SCLT1: variants seen among roughly 807,000 people sequenced by gnomAD.
SCLT1 encodes the protein sodium channel and clathrin linker 1.
SCLT1 carries 78 observed loss-of-function variants against 112.8 expected under a neutral mutation model. That is an observed-to-expected ratio of 0.69 (90% CI 0.58 to 0.83). The LOEUF is 0.83. SCLT1 is among the 40% of genes least tolerant of loss of function. SCLT1 has a pLI of 0.00. For missense variants in SCLT1, 747 were observed against 770.4 expected, an observed-to-expected ratio of 0.97 and a Z score of 0.36; for synonymous variants, 257 against 254.7, an observed-to-expected ratio of 1.01 and a Z score of -0.09.
chr4:129,078,847 G>A (rs1213480952), intron 2 of SCLT1, among the ~76,000 whole-genome samples: 1 of 152,152 alleles, frequency 6.6e-6, no homozygotes, highest in Non-Finnish European at 1.5e-5. Flanking sequence ...CAAGAAAAGA[G>A]GTTTAATTGG....
At chr4:128,935,032 A>G (rs1409000858) in intron 18 of SCLT1, among the ~76,000 whole-genome samples, 1 of 151,972 alleles carries the variant, frequency 6.6e-6, no homozygotes, top group African/African-American at 2.4e-5. Flanking sequence ...GGAATATTAA[A>G]TGTTATCAAA....
intron 20 of SCLT1, among the ~76,000 whole-genome samples, chr4:128,886,378 AT>A (rs2125919669): frequency 6.6e-6 from 1 of 152,198 alleles, no homozygotes; most frequent in East Asian, 1.9e-4. Flanking sequence ...TAATTTTTAA[AT>A]TTTCTTCATT....
intron 16 of SCLT1, among the ~76,000 whole-genome samples, 162 bp from the exon 17 acceptor site, chr4:128,943,350 A>G (rs1473603770): frequency 6.6e-6 from 1 of 152,160 alleles, no homozygotes; most frequent in Non-Finnish European, 1.5e-5. Context: ...GTTATGTTAT[A>G]CCAGGCAAAT....
Position 129,039,784 on chromosome 4 carries a change from T to G in SCLT1, c.235-688A>C, listed in dbSNP as rs185335762. ...GAAGGAGTAAAAAGATGTTAGGATT[T>G]CAAAAGAAAAGAAAGCATTTAAAGT... is the stretch of plus-strand genomic sequence containing the variant. On this transcript the variant is annotated intron_variant, in intron 4 of 20. Coordinates refer to ENST00000281142, the MANE Select transcript of SCLT1 (RefSeq NM_144643.4). The G allele has an allele frequency of 8.4e-5, 14 of 166,248 alleles. No individual in the cohort carries two copies. In the East Asian group the frequency reaches 2.1e-3, roughly 25 times the overall value. The allele number at this position is 166,248 out of a possible 1,614,324, so 10.3% of individuals were successfully genotyped here.
chr4:129,005,843 A>G (rs1306754346), intron 5 of SCLT1, among the ~76,000 whole-genome samples: 1 of 151,434 alleles, frequency 6.6e-6, no homozygotes, highest in African/African-American at 2.4e-5. Context: ...GCCATAAAAA[A>G]TGATGAGTTC....
At chr4:128,967,228 G>A (rs976452760) in intron 10 of SCLT1, among the ~76,000 whole-genome samples, 3 of 152,128 alleles carry the variant, frequency 2.0e-5, no homozygotes, top group Admixed American at 6.5e-5. Context: ...TGGTGTACAC[G>A]TACCACATTT....
chr4:129,084,128 A>C (rs1752192673), intron 1 of SCLT1, among the ~76,000 whole-genome samples: 1 of 152,236 alleles, frequency 6.6e-6, no homozygotes, highest in Non-Finnish European at 1.5e-5. Context: ...TGAATTAGGA[A>C]TCACATAAGG....
In SCLT1 at chr4:128,992,504, T is replaced by C. The variant is rs373370587; in HGVS notation, c.616-267A>G. 9.2e-5 allele frequency among the ~76,000 whole-genome samples: 14 copies of C among 152,038 alleles called. No homozygotes were observed. In the East Asian group the frequency reaches 9.7e-4, roughly 10 times the overall value. ...AATCTCTTTTGCTCATCTATCCACCTGGGCATAAAGCTATAAGTGTTATAG... is the reference window on the plus strand; with the variant it reads ...AATCTCTTTTGCTCATCTATCCACCCGGGCATAAAGCTATAAGTGTTATAG... On this transcript the variant is annotated intron_variant, in intron 8 of 20. Coordinates refer to ENST00000281142, the MANE Select transcript of SCLT1 (RefSeq NM_144643.4).
At chr4:128,971,227 G>T (rs764233230) in intron 9 of SCLT1, 1 of 152,146 alleles carries the variant, frequency 6.6e-6, no homozygotes, top group Non-Finnish European at 1.5e-5. Context: ...ATACTGTAGT[G>T]TAGGAACTGT....
intron 2 of SCLT1, among the ~76,000 whole-genome samples, chr4:129,058,056 T>C (rs1430483269): frequency 2.0e-5 from 3 of 152,298 alleles, no homozygotes; most frequent in East Asian, 3.9e-4. Context: ...GCCCAATCCC[T>C]TGTGTTTCTG....
At chr4:128,954,405 G>C (rs1035925757) in intron 13 of SCLT1, among the ~76,000 whole-genome samples, 1 of 145,004 alleles carries the variant, frequency 6.9e-6, no homozygotes, top group Non-Finnish European at 1.5e-5. Flanking sequence ...GGCAAGCCCC[G>C]CCTCCTGGGT....
At chr4:128,910,966 A>T (rs1735048493) in intron 18 of SCLT1, among the ~76,000 whole-genome samples, 1 of 152,078 alleles carries the variant, frequency 6.6e-6, no homozygotes, top group Admixed American at 6.6e-5. Context: ...TTTCATCTAT[A>T]AAAATAGTAA....
chr4:128,956,234 A>G (rs1322200027), intron 13 of SCLT1, among the ~76,000 whole-genome samples: 4 of 152,220 alleles, frequency 2.6e-5, no homozygotes, highest in African/African-American at 9.6e-5. Flanking sequence ...TTAGGATAAG[A>G]AAATACAATT....
intron 5 of SCLT1, among the ~76,000 whole-genome samples, chr4:129,008,222 C>T (rs66737416): frequency 0.088 from 13,427 of 152,154 alleles, 759 homozygotes; most frequent in South Asian, 0.15. Flanking sequence ...ATTCTGTCAA[C>T]GGTAATTTTC....
intron 18 of SCLT1, among the ~76,000 whole-genome samples, chr4:128,929,404 T>C (rs1468875721): frequency 1.3e-5 from 2 of 152,064 alleles, no homozygotes; most frequent in African/African-American, 4.8e-5. Flanking sequence ...ATTTATAGAG[T>C]CAACAGAATT....
chr4:128,904,838 G>C (rs754965041), intron 18 of SCLT1, among the ~76,000 whole-genome samples: 1 of 152,054 alleles, frequency 6.6e-6, no homozygotes, highest in Non-Finnish European at 1.5e-5. Flanking sequence ...TGCTAAAAAA[G>C]AAAATTCATT....
chr4:129,087,130 C>T (rs1752464709), intron 1 of SCLT1, among the ~76,000 whole-genome samples: 1 of 151,988 alleles, frequency 6.6e-6, no homozygotes, highest in Non-Finnish European at 1.5e-5. Context: ...AGAGGTGGAG[C>T]TGAGAAGTAG....
intron 2 of SCLT1, among the ~76,000 whole-genome samples, chr4:129,076,920 A>G (rs1370249315): frequency 1.3e-5 from 2 of 152,114 alleles, no homozygotes; most frequent in Non-Finnish European, 2.9e-5. Flanking sequence ...TATCTTTTAA[A>G]AGTTACATAC....
intron 18 of SCLT1, among the ~76,000 whole-genome samples, chr4:128,920,258 A>C (rs1031176293): frequency 5.9e-5 from 9 of 152,312 alleles, no homozygotes; most frequent in South Asian, 2.1e-4. Flanking sequence ...AAATCAAGAA[A>C]TGTGATTCAC....
Sources: allele counts gnomAD v4.1 joint callset (sites outside exome capture counted in the v4.1 genomes callset), GRCh38; gene constraint gnomAD v4.1.1; transcripts MANE v1.5; gene names NCBI Gene and HGNC (gene_info 2026-07-23, HGNC 2026-07-21).